The following ANKFN1 variants were observed in gnomAD, a reference collection of about 807,000 sequenced individuals.
ANKFN1 encodes the protein ankyrin repeat and fibronectin type III domain containing 1.
ANKFN1 carries 74 observed loss-of-function variants against 108.7 expected under a neutral mutation model. That is an observed-to-expected ratio of 0.68 (90% confidence interval 0.56 to 0.83). The LOEUF (loss-of-function observed/expected upper bound fraction) is 0.83, where lower values mean the gene tolerates loss of function less well. Among genes scored for constraint, ANKFN1 ranks in the 40% least tolerant of loss-of-function variants. ANKFN1 has a pLI of 0.00. For synonymous variants in ANKFN1, 547 were observed against 516.2 expected (o/e 1.06, Z -0.81); for missense variants, 1,505 against 1,382.3 (o/e 1.09, Z -1.41).
At chr17:56,138,504 TTTC>T in intron 4 of ANKFN1, among the ~76,000 whole-genome samples, 1 of 142,072 alleles carries the variant, frequency 7.0e-6, no homozygotes, top group African/African-American at 2.6e-5. Flanking sequence ...AACATTTTTT[TTTC>T]TTTTCTTTTT....
rs111344694 is a variant in ANKFN1, at chr17:56,133,347, C to T, written c.288+87022C>T. 5.5e-3 allele frequency among the ~76,000 whole-genome samples: 837 copies of T among 152,292 alleles called. 7 individuals are homozygous for T. The highest frequency in any genetic ancestry group is 0.01 in the Middle Eastern group (3 of 294). On this transcript the variant is annotated intron_variant, in intron 4 of 12. Transcript: ENST00000635860. ...TGACCCCCAAAGTAAACTAACCCCA[C>T]ATTTAAATTAAAATCAACTTCAGCA...
At chr17:56,505,038 G>C (rs1357004267) in intron 20 of ANKFN1, among the ~76,000 whole-genome samples, 1 of 152,098 alleles carries the variant, frequency 6.6e-6, no homozygotes, top group East Asian at 1.9e-4. Context: ...CCAGTTCACA[G>C]AAGCTAAATG....
intron 4 of ANKFN1, among the ~76,000 whole-genome samples, chr17:56,054,811 G>A (rs955498048): frequency 1.3e-5 from 2 of 152,120 alleles, no homozygotes; most frequent in Non-Finnish European, 1.5e-5. Flanking sequence ...ACTTGAGCCT[G>A]GGAGGTTGAG....
At position 56,409,982 on chromosome 17, in the gene ANKFN1, T is replaced by A. The variant is rs541903541; in HGVS notation, c.911-30345T>A. On this transcript the variant is annotated intron_variant, in intron 8 of 20. Transcript: ENST00000682825. ...TACTTAATATAATATATAATTTTTT[T>A]AAAAAAACTGAAAGTAGAGTACTAT... is the stretch of plus-strand genomic sequence containing the variant. Among the ~76,000 whole-genome samples the A allele has an allele frequency of 2.4e-3, 366 of 152,212 alleles. 1 individual carries two copies. Among genetic ancestry groups the A allele is most frequent in the South Asian group, 8.3e-3 (40 of 4,824 alleles).
At chr17:56,119,853 A>G (rs1020973916) in intron 4 of ANKFN1, among the ~76,000 whole-genome samples, 3 of 152,154 alleles carry the variant, frequency 2.0e-5, no homozygotes, top group African/African-American at 7.2e-5. Context: ...TTTCAGGATT[A>G]TTGCAATGAT....
At chr17:56,116,406 C>T (rs1906277029) in intron 4 of ANKFN1, among the ~76,000 whole-genome samples, 1 of 152,084 alleles carries the variant, frequency 6.6e-6, no homozygotes, top group African/African-American at 2.4e-5. Flanking sequence ...TTGGACCTTC[C>T]AAGTCTCATG....
intron 3 of ANKFN1, among the ~76,000 whole-genome samples, chr17:56,237,743 T>C (rs1917261471): frequency 6.6e-6 from 1 of 152,126 alleles, no homozygotes; most frequent in South Asian, 2.1e-4. Context: ...CCTGGATCTT[T>C]TGGAATGGTT....
At chr17:56,092,897 G>A (rs1343327427) in intron 4 of ANKFN1, among the ~76,000 whole-genome samples, 3 of 151,060 alleles carry the variant, frequency 2.0e-5, no homozygotes, top group Non-Finnish European at 3.0e-5. Flanking sequence ...CAGACTCAAT[G>A]CCTGCCAAGT....
chr17:56,418,791 T>A (rs1327653459), intron 8 of ANKFN1, among the ~76,000 whole-genome samples: 2 of 147,390 alleles, frequency 1.4e-5, no homozygotes, highest in South Asian at 2.1e-4. Context: ...GCATACTACT[T>A]TCTAAGTTAA....
intron 4 of ANKFN1, among the ~76,000 whole-genome samples, chr17:56,056,358 A>G (rs1904877086): frequency 7.2e-6 from 1 of 138,858 alleles, no homozygotes; most frequent in Non-Finnish European, 1.5e-5. Flanking sequence ...GACCCTGAAT[A>G]GTCAAAACAA....
intron 4 of ANKFN1, among the ~76,000 whole-genome samples, chr17:56,080,035 G>T (rs996888475): frequency 6.6e-6 from 1 of 151,638 alleles, no homozygotes; most frequent in African/African-American, 2.4e-5. Flanking sequence ...AACAAAAAAG[G>T]CTTGGTTACT....
In ANKFN1 at chr17:56,514,227, T is replaced by C. The variant is rs1358433204; in HGVS notation, c.*2958T>C. 2.0e-5 allele frequency among the ~76,000 whole-genome samples: 3 copies of C among 152,214 alleles called. No individual in the cohort carries two copies. The highest frequency in any genetic ancestry group is 2.9e-5 in the Non-Finnish European group (2 of 68,030). ...GTGAAAATCCTCAAAAATCCTTGAC[T>C]GAGGTTCTCCCATATGTCTATCTCA... is the stretch of plus-strand genomic sequence containing the variant. On this transcript the variant is annotated 3_prime_UTR_variant, in exon 21 of 21. Transcript: ENST00000682825.
At chr17:56,201,035 C>G (rs1054017537) in intron 1 of ANKFN1, among the ~76,000 whole-genome samples, 1 of 152,180 alleles carries the variant, frequency 6.6e-6, no homozygotes, top group Non-Finnish European at 1.5e-5. Flanking sequence ...TGGTGGAGCC[C>G]TCACAGTCCA....
intron 4 of ANKFN1, among the ~76,000 whole-genome samples, chr17:56,081,898 C>T (rs1905250101): frequency 6.6e-6 from 1 of 152,186 alleles, no homozygotes; most frequent in South Asian, 2.1e-4. Context: ...TGCCATTTGC[C>T]TCTTAGTGGG....
intron 3 of ANKFN1, among the ~76,000 whole-genome samples, chr17:56,267,382 A>G (rs2043680436): frequency 2.6e-5 from 4 of 152,138 alleles, no homozygotes; most frequent in Admixed American, 2.6e-4. Context: ...TTCTGTTGAT[A>G]GTTACTTTTG....
At chr17:56,401,555 A>T (rs1255726432) in intron 8 of ANKFN1, among the ~76,000 whole-genome samples, 1 of 151,930 alleles carries the variant, frequency 6.6e-6, no homozygotes, top group African/African-American at 2.4e-5. Context: ...ACTTTGCCAA[A>T]TTTTTTTATC....
chr17:56,475,091 C>G (rs1393418638), intron 15 of ANKFN1, among the ~76,000 whole-genome samples: 1 of 152,056 alleles, frequency 6.6e-6, no homozygotes, highest in East Asian at 1.9e-4. Context: ...TGTTGTGTAC[C>G]TATTTTATAC....
At chr17:56,202,583 C>G (rs1265761193) in intron 1 of ANKFN1, among the ~76,000 whole-genome samples, 2 of 152,180 alleles carry the variant, frequency 1.3e-5, no homozygotes, top group African/African-American at 4.8e-5. Flanking sequence ...TCCATTTCCC[C>G]CCTCCACACC....
At chr17:56,291,190 T>C (rs757855018) in intron 3 of ANKFN1, among the ~76,000 whole-genome samples, 33 of 152,212 alleles carry the variant, frequency 2.2e-4, no homozygotes, top group Admixed American at 1.1e-3. Flanking sequence ...TGTCACTGGA[T>C]CATTTCAAAA....
Sources: gnomAD v4.1 joint callset for allele counts (sites outside exome capture counted in the v4.1 genomes callset) on GRCh38, gnomAD v4.1.1 for gene constraint, MANE v1.5 for transcripts, NCBI Gene and HGNC (gene_info 2026-07-23, HGNC 2026-07-21) for gene names.